The following FAM237A variants were observed in gnomAD, a reference collection of about 807,000 sequenced individuals.
The protein encoded by FAM237A is protein FAM237A.
In FAM237A, 14 loss-of-function variants were observed where a neutral mutation model predicts 12.5. That is an observed-to-expected ratio of 1.12 (90% CI 0.74 to 1.75). The LOEUF (loss-of-function observed/expected upper bound fraction) is 1.75, where lower values mean the gene tolerates loss of function less well. Among genes scored for constraint, FAM237A ranks in the 40% most tolerant of loss-of-function variants. The pLI, the probability that FAM237A is intolerant of heterozygous loss-of-function variation, is 0.00. For missense variants in FAM237A, 240 were observed against 211.7 expected (o/e 1.13, Z -0.83); for synonymous variants, 85 against 77.5 (o/e 1.10, Z -0.51).
chr2:206,645,956 T>C (rs1212597952), intron 2 of FAM237A, among the ~76,000 whole-genome samples: 1 of 152,196 alleles, frequency 6.6e-6, no homozygotes, highest in Non-Finnish European at 1.5e-5. Context: ...ATGGTTTTTT[T>C]TTTTATTCTA....
chr2:206,643,138 C>T (rs1699274826), intron 1 of FAM237A, among the ~76,000 whole-genome samples: 1 of 152,184 alleles, frequency 6.6e-6, no homozygotes, highest in South Asian at 2.1e-4. Flanking sequence ...GATTATCCAA[C>T]TTATGGTGTT....
rs1699356943 is a variant in FAM237A at position 206,649,218 on chromosome 2, A to G, written c.*424A>G. Among the ~76,000 whole-genome samples, 1 of 152,202 alleles carries G rather than the reference A, an allele frequency of 6.6e-6. No individual in the cohort carries two copies. Among genetic ancestry groups the G allele is most frequent in the East Asian group, 1.9e-4 (1 of 5,206 alleles). ...ACATAAGGGACTACATTTTGGAATT[A>G]CTAGTTACTGACAATCTATGATATC... On this transcript the variant is annotated 3_prime_UTR_variant, in exon 3 of 3. Transcript: ENST00000441223.
chr2:206,643,975 G>C (rs1699285144), intron 1 of FAM237A, among the ~76,000 whole-genome samples: 1 of 152,154 alleles, frequency 6.6e-6, no homozygotes, highest in African/African-American at 2.4e-5. Context: ...TATTCATCTT[G>C]TAAAGGAACA....
intron 2 of FAM237A, among the ~76,000 whole-genome samples, chr2:206,647,685 G>A (rs929269952): frequency 1.5e-5 from 2 of 134,506 alleles, no homozygotes; most frequent in African/African-American, 5.5e-5. Context: ...TGTGTGTTAG[G>A]GAAAGAGCAT....
At chr2:206,643,374 GTTA>G (rs1699277556) in intron 1 of FAM237A, 2 of 152,084 alleles carry the variant, frequency 1.3e-5, no homozygotes, top group South Asian at 4.1e-4. Context: ...GAACATTTGG[GTTA>G]TTATTATTTC....
intron 1 of FAM237A, among the ~76,000 whole-genome samples, chr2:206,643,745 A>G (rs924976182): frequency 6.6e-6 from 1 of 152,166 alleles, no homozygotes; most frequent in African/African-American, 2.4e-5. Context: ...ATTCTGATGT[A>G]TTTTTTAAAA....
intron 2 of FAM237A, among the ~76,000 whole-genome samples, chr2:206,646,442 A>C (rs1394563917): frequency 6.6e-6 from 1 of 152,190 alleles, no homozygotes; most frequent in East Asian, 1.9e-4. Context: ...CTGAACACAA[A>C]AAGTTATATA....
At chr2:206,647,374 C>T (rs1490353312) in intron 2 of FAM237A, among the ~76,000 whole-genome samples, 2 of 152,116 alleles carry the variant, frequency 1.3e-5, no homozygotes, top group Non-Finnish European at 2.9e-5. Flanking sequence ...TGGATGATGA[C>T]CTGGACACCA....
In FAM237A at chr2:206,646,101, G is replaced by C. The variant is rs139587048; in HGVS notation, c.412+1453G>C. ...GCGGAACACGAGGTGAGGAGATCGA[G>C]ACCATCCTGGCTAACACGGTGAAAC... On this transcript the variant is annotated intron_variant, in intron 2 of 2. Transcript: ENST00000441223. 4.4e-3 allele frequency among the ~76,000 whole-genome samples: 670 copies of C among 152,222 alleles called. 5 individuals carry two copies. Among genetic ancestry groups the C allele is most frequent in the African/African-American group, 0.015 (634 of 41,532 alleles).
chr2:206,647,747 A>G (rs2105882941), intron 2 of FAM237A, among the ~76,000 whole-genome samples: 1 of 152,162 alleles, frequency 6.6e-6, no homozygotes, highest in South Asian at 2.1e-4. Context: ...CTCATGGGTT[A>G]GTAAAGGCTT....
At chr2:206,648,477 GC>G (rs1481094634) in intron 2 of FAM237A, among the ~76,000 whole-genome samples, 183 bp from the exon 3 acceptor site, 1 of 152,060 alleles carries the variant, frequency 6.6e-6, no homozygotes, top group Non-Finnish European at 1.5e-5. Flanking sequence ...TAACTAAACT[GC>G]ATAGGACACA....
At chr2:206,644,888 G>C (rs1699297527) in intron 2 of FAM237A, among the ~76,000 whole-genome samples, 1 of 152,116 alleles carries the variant, frequency 6.6e-6, no homozygotes, top group Non-Finnish European at 1.5e-5. Flanking sequence ...ACAGCAGCAA[G>C]GAAGAGTCAG....
At chr2:206,643,573 T>A (rs982887353) in intron 1 of FAM237A, 1 of 152,174 alleles carries the variant, frequency 6.6e-6, no homozygotes, top group Admixed American at 6.5e-5. Context: ...TAAAACATTA[T>A]CTTTATGAAA....
In FAM237A at chr2:206,648,249, G is replaced by C. The variant is rs950177868; in HGVS notation, c.413-412G>C. Among the ~76,000 whole-genome samples the C allele has an allele frequency of 3.3e-5, 5 of 152,280 alleles. No homozygotes were observed. In the East Asian group the frequency reaches 9.6e-4, roughly 29 times the overall value. ...CCTGGAAACAATCTAAATGTCCCAC[G>C]ATAGGGTAGTGGTTAAATAAGTTAT... is the stretch of plus-strand genomic sequence containing the variant. On this transcript the variant is annotated intron_variant, in intron 2 of 2. Transcript: ENST00000441223.
chr2:206,648,130 C>T (rs1285251990), intron 2 of FAM237A, among the ~76,000 whole-genome samples: 1 of 152,128 alleles, frequency 6.6e-6, no homozygotes, highest in Admixed American at 6.5e-5. Context: ...AGCAATTACC[C>T]ACCTAGAAAT....
intron 1 of FAM237A, among the ~76,000 whole-genome samples, chr2:206,643,137 A>T (rs1474378151): frequency 6.6e-6 from 1 of 152,170 alleles, no homozygotes; most frequent in African/African-American, 2.4e-5. Context: ...AGATTATCCA[A>T]CTTATGGTGT....
chr2:206,648,797 T>A lies in FAM237A; in HGVS notation c.*3T>A. 2.0e-6 allele frequency: 3 copies of A among 1,530,180 alleles called. No homozygotes were observed. The highest frequency in any genetic ancestry group is 2.6e-6 in the Non-Finnish European group (3 of 1,137,416). The allele number at this position is 1,530,180 out of a possible 1,614,324, so 94.8% of individuals were successfully genotyped here. On this transcript the variant is annotated 3_prime_UTR_variant, in exon 3 of 3. Coordinates refer to ENST00000441223, the MANE Select transcript of FAM237A (RefSeq NM_001102659.3). ...ACCTGGAAATAAAGAGAAAATAAAT[T>A]GAACTCGGAGCTAATTCATGCCTTG... is the stretch of plus-strand genomic sequence containing the variant.
chr2:206,646,338 C>T (rs1488952042), intron 2 of FAM237A, among the ~76,000 whole-genome samples: 2 of 151,872 alleles, frequency 1.3e-5, no homozygotes, highest in East Asian at 3.9e-4. Flanking sequence ...CTGTCTTACT[C>T]AAATCACCAG....
intron 2 of FAM237A, among the ~76,000 whole-genome samples, chr2:206,646,219 C>T (rs1328077373): frequency 6.8e-6 from 1 of 148,104 alleles, no homozygotes; most frequent in East Asian, 1.9e-4. Flanking sequence ...AGGAGAATGG[C>T]GTGAACCCGG....
Sources: gnomAD v4.1 joint callset for allele counts (sites outside exome capture counted in the v4.1 genomes callset) on GRCh38, gnomAD v4.1.1 for gene constraint, MANE v1.5 for transcripts, NCBI Gene and HGNC (gene_info 2026-07-23, HGNC 2026-07-21) for gene names.